The following NUP37 variants were observed in gnomAD, a reference collection of about 807,000 sequenced individuals.
NUP37 encodes the protein nucleoporin 37, also known as nucleoporin Nup37.
A neutral mutation model predicts 45.4 loss-of-function variants in NUP37; 33 were observed. That is an observed-to-expected ratio of 0.73 (90% CI 0.55 to 0.97). NUP37 has a LOEUF of 0.97. NUP37 is among the 50% of genes least tolerant of loss of function. The pLI is 0.00. For missense variants in NUP37, 365 were observed against 389.7 expected, an observed-to-expected ratio of 0.94 and a Z score of 0.53; for synonymous variants, 127 against 130.7, an observed-to-expected ratio of 0.97 and a Z score of 0.19.
chr12:102,100,606 A>G (rs761611731), intron 4 of NUP37, among the ~76,000 whole-genome samples: 1 of 152,198 alleles, frequency 6.6e-6, no homozygotes, highest in Non-Finnish European at 1.5e-5. Flanking sequence ...ATAACACTGG[A>G]GTTTAAATGC....
chr12:102,090,905 A>ACTGACT (rs1244990869), intron 5 of NUP37, among the ~76,000 whole-genome samples: 1 of 152,234 alleles, frequency 6.6e-6, no homozygotes, highest in East Asian at 1.9e-4. Flanking sequence ...TCCTGAGTTT[A>ACTGACT]CTGACTTTTT....
intron 8 of NUP37, 108 bp downstream of exon 8, chr12:102,076,689 A>G (rs1050066599): frequency 1.2e-6 from 1 of 837,032 alleles, no homozygotes; most frequent in Non-Finnish European, 1.9e-6. Context: ...TAAAACAATA[A>G]GGGAAAAAAA....
Position 102,120,063 on chromosome 12 carries a change from G to A in NUP37, c.-79C>T, listed in dbSNP as rs959032264. 32 of 157,016 alleles carry A rather than the reference G, an allele frequency of 2.0e-4. No individual in the cohort carries two copies. Among genetic ancestry groups the A allele is most frequent in the African/African-American group, 7.5e-4 (31 of 41,480 alleles). The allele number at this position is 157,016 out of a possible 1,614,324, so 9.7% of individuals were successfully genotyped here. A position where few individuals can be genotyped will look rare whatever the true frequency, so the allele number is the denominator to read the frequency against. On this transcript the variant is annotated 5_prime_UTR_variant, in exon 1 of 10. Coordinates refer to ENST00000552283, the MANE Select transcript of NUP37 (RefSeq NM_024057.4). ...CTCGATACGCACCGCAGAGCGCCAG[G>A]AACCGACCAGAGGCAGGCTGGTCTT...
chr12:102,095,177 G>A (rs908549110), intron 5 of NUP37, among the ~76,000 whole-genome samples: 1 of 152,048 alleles, frequency 6.6e-6, no homozygotes, highest in African/African-American at 2.4e-5. Context: ...TTCTGTATTA[G>A]TGAGTTTTAA....
At chr12:102,100,821 G>A (rs769160591) in intron 4 of NUP37, among the ~76,000 whole-genome samples, 4 of 152,012 alleles carry the variant, frequency 2.6e-5, no homozygotes, top group Non-Finnish European at 5.9e-5. Flanking sequence ...AGAGATATCA[G>A]ATTTATAATC....
chr12:102,112,195 G>A lies in NUP37; in HGVS notation c.194C>T (p.Thr65Ile), dbSNP rs936724859. The A allele has an allele frequency of 7.0e-5, 113 of 1,613,298 alleles. No homozygotes were observed. The highest frequency in any genetic ancestry group is 9.4e-5 in the Non-Finnish European group (111 of 1,179,466). The change falls in exon 3 of 10, where the codon ACA (threonine) becomes ATA (isoleucine). Residue 65 changes from threonine to isoleucine, a missense_variant. By Grantham distance (89) the Thr-to-Ile change is moderately conservative (BLOSUM62 -1). Coordinates refer to ENST00000552283, the MANE Select transcript of NUP37 (RefSeq NM_024057.4). ...EADVEGIQYK[T>I]LRTFHHGVRV... Reference sequence around the variant, plus strand: ...GACTCCATGGTGAAATGTTCGAAGTGTTTTATACTGAATGCCTTCAACGTC... The same window carrying A: ...GACTCCATGGTGAAATGTTCGAAGTATTTTATACTGAATGCCTTCAACGTC...
intron 2 of NUP37, among the ~76,000 whole-genome samples, chr12:102,116,158 G>A (rs918506021): frequency 2.0e-5 from 3 of 152,060 alleles, no homozygotes; most frequent in African/African-American, 4.8e-5. Context: ...TTTTTCTCAT[G>A]TTAGTCATTT....
In NUP37 at chr12:102,115,317, G is replaced by A. The variant is rs143673124; in HGVS notation, c.156+3046C>T. On this transcript the variant is annotated intron_variant, in intron 2 of 9. Coordinates refer to ENST00000552283, the MANE Select transcript of NUP37 (RefSeq NM_024057.4). ...AGCCACACAGGACCTTATGAAGCAC[G>A]TGAAATGTGGCTAGTTCTATTTGAT... Among the ~76,000 whole-genome samples the A allele has an allele frequency of 5.9e-3, 897 of 152,294 alleles. 11 individuals carry two copies. Among genetic ancestry groups the A allele is most frequent in the African/African-American group, 0.02 (841 of 41,560 alleles).
intron 5 of NUP37, among the ~76,000 whole-genome samples, chr12:102,095,866 A>G (rs1394675311): frequency 6.6e-6 from 1 of 152,030 alleles, no homozygotes; most frequent in African/African-American, 2.4e-5. Context: ...ACACTGTAGA[A>G]CTCCAGATGG....
At chr12:102,117,680 A>G (rs1464093186) in intron 2 of NUP37, among the ~76,000 whole-genome samples, 2 of 152,202 alleles carry the variant, frequency 1.3e-5, no homozygotes, top group Non-Finnish European at 2.9e-5. Flanking sequence ...ATGTTGTCAG[A>G]TGCCCTCTTG....
chr12:102,100,120 TA>T (rs916853471), intron 4 of NUP37, among the ~76,000 whole-genome samples: 10 of 152,232 alleles, frequency 6.6e-5, no homozygotes, highest in African/African-American at 2.2e-4. Flanking sequence ...GTTTAATGTG[TA>T]TTATAACTAG....
Position 102,092,644 on chromosome 12 carries a change from A to G in NUP37, c.449+6462T>C, listed in dbSNP as rs531344844. Among the ~76,000 whole-genome samples the G allele has an allele frequency of 2.6e-5, 4 of 152,284 alleles. No homozygotes were observed. In the East Asian group the frequency reaches 5.8e-4, roughly 22 times the overall value. On this transcript the variant is annotated intron_variant, in intron 5 of 9. Transcript: ENST00000552283. The stretch of plus-strand genomic sequence containing the variant: ...ACATTTTGCAAAAGAATTCAGTGCT[A>G]AAATATCTGGTTTTAAGTGCAAAAG...
At chr12:102,115,430 G>A (rs1244443601) in intron 2 of NUP37, among the ~76,000 whole-genome samples, 1 of 152,172 alleles carries the variant, frequency 6.6e-6, no homozygotes, top group Non-Finnish European at 1.5e-5. Context: ...GCCTCTAGTA[G>A]AACTTGGATG....
At chr12:102,079,128 G>A (rs1188048064) in intron 6 of NUP37, 4 of 448,654 alleles carry the variant, frequency 8.9e-6, no homozygotes, top group Middle Eastern at 3.3e-4. Context: ...AATAGTAGTG[G>A]TAGATTGGCA....
chr12:102,077,587 C>A, intron 6 of NUP37, 84 bp from the exon 7 acceptor site: 4 of 1,293,022 alleles, frequency 3.1e-6, no homozygotes, highest in East Asian at 2.3e-5. Flanking sequence ...CACTGTTGTA[C>A]GGTAAAATGT....
chr12:102,079,799 C>T (rs185100680), intron 6 of NUP37, among the ~76,000 whole-genome samples: 10 of 152,124 alleles, frequency 6.6e-5, no homozygotes, highest in Non-Finnish European at 8.8e-5. Flanking sequence ...ACTAAACTGA[C>T]GAGGAAAAGA....
At chr12:102,116,605 A>T (rs954169863) in intron 2 of NUP37, among the ~76,000 whole-genome samples, 24 of 152,258 alleles carry the variant, frequency 1.6e-4, no homozygotes, top group Admixed American at 9.2e-4. Context: ...GAAACTTTCA[A>T]TTCACACTTC....
Position 102,077,520 on chromosome 12 carries a change from T to G in NUP37, c.541-17A>C, listed in dbSNP as rs778898569. 1.3e-6 allele frequency: 2 copies of G among 1,599,960 alleles called. No homozygotes were observed. The highest frequency in any genetic ancestry group is 2.2e-5 in the South Asian group (2 of 89,602). ...AACCATTAGCTGTAAGACAGAAAAATAAAAAGAAACTCAATCACTTATCTC... is the reference window on the plus strand; with the variant it reads ...AACCATTAGCTGTAAGACAGAAAAAGAAAAAGAAACTCAATCACTTATCTC... On this transcript the variant is annotated splice_polypyrimidine_tract_variant and intron_variant, in intron 6 of 9. Coordinates refer to ENST00000552283, the MANE Select transcript of NUP37 (RefSeq NM_024057.4).
intron 5 of NUP37, among the ~76,000 whole-genome samples, chr12:102,092,690 A>G (rs1879689694): frequency 6.6e-6 from 1 of 152,176 alleles, no homozygotes; most frequent in South Asian, 2.1e-4. Flanking sequence ...GTGGGGAACC[A>G]TGTAACTGAA....
Sources: allele counts gnomAD v4.1 joint callset (sites outside exome capture counted in the v4.1 genomes callset), GRCh38; gene constraint gnomAD v4.1.1; transcripts MANE v1.5; gene names NCBI Gene and HGNC (gene_info 2026-07-23, HGNC 2026-07-21).